GATAD1: variants seen among roughly 807,000 people sequenced by gnomAD.
The protein encoded by GATAD1 is GATA zinc finger domain containing 1, also known as GATA zinc finger domain-containing protein 1.
Under a neutral mutation model 26.5 loss-of-function variants are expected in GATAD1, and 12 were observed. The observed-to-expected ratio is 0.45, with a 90% confidence interval of 0.29 to 0.73. The LOEUF (loss-of-function observed/expected upper bound fraction) is 0.73. Among genes scored for constraint, GATAD1 ranks in the 30% least tolerant of loss-of-function variants. The pLI, the probability that GATAD1 is intolerant of heterozygous loss-of-function variation, is 0.10. For synonymous variants in GATAD1, 129 were observed against 133.1 expected (o/e 0.97, Z 0.21); for missense variants, 266 against 342.1 (o/e 0.78, Z 1.75).
chr7:92,462,656 C>T (rs1176864536), downstream of GATAD1, among the ~76,000 whole-genome samples: 1 of 152,178 alleles, frequency 6.6e-6, no homozygotes, highest in Non-Finnish European at 1.5e-5. Flanking sequence ...AAAGCCCTGG[C>T]CCCCAAGGCA....
the GATAD1 span, among the ~76,000 whole-genome samples, chr7:92,495,212 A>G: frequency 6.6e-6 from 1 of 152,132 alleles, no homozygotes; most frequent in African/African-American, 2.4e-5. Flanking sequence ...TTATTAATTT[A>G]TTAACAAATT....
At chr7:92,481,973 G>A in the GATAD1 span, among the ~76,000 whole-genome samples, 4 of 152,216 alleles carry the variant, frequency 2.6e-5, no homozygotes, top group Non-Finnish European at 4.4e-5. Flanking sequence ...GGGGATACCC[G>A]ATATCCTTTG....
chr7:92,463,248 T>C (rs1434193966), downstream of GATAD1, among the ~76,000 whole-genome samples: 1 of 152,200 alleles, frequency 6.6e-6, no homozygotes, highest in Admixed American at 6.5e-5. Context: ...AGGGGTATTG[T>C]GGGTACAAAT....
At chr7:92,482,375 G>A in the GATAD1 span, among the ~76,000 whole-genome samples, 1 of 152,184 alleles carries the variant, frequency 6.6e-6, no homozygotes, top group Admixed American at 6.5e-5. Context: ...TGGTTGATAA[G>A]GTGCAGATTC....
At chr7:92,481,017 G>A in the GATAD1 span, among the ~76,000 whole-genome samples, 1 of 152,142 alleles carries the variant, frequency 6.6e-6, no homozygotes. Flanking sequence ...GTGAAGGCCC[G>A]AGTTAAGGCA....
At chr7:92,472,183 TAAGAGTTGCAC>T in the GATAD1 span, 1 of 152,216 alleles carries the variant, frequency 6.6e-6, no homozygotes, top group Non-Finnish European at 1.5e-5. Flanking sequence ...GTGGCTGGGT[TAAGAGTTGCAC>T]AAGTGCACAG....
At chr7:92,470,290 C>A in the GATAD1 span, 4 of 778,388 alleles carry the variant, frequency 5.1e-6, no homozygotes, top group Admixed American at 3.4e-5. Flanking sequence ...GTAAGGGGAG[C>A]TACTGGTCAT....
chr7:92,487,397 TACAA>T, the GATAD1 span: 1 of 882,998 alleles, frequency 1.1e-6, no homozygotes, highest in Admixed American at 2.1e-5. Context: ...TTTTTCCTGT[TACAA>T]CATATGGAAA....
the GATAD1 span, chr7:92,474,648 T>G: frequency 1.3e-5 from 2 of 152,316 alleles, no homozygotes; most frequent in African/African-American, 4.8e-5. Context: ...CGCCAAACTC[T>G]CAGGCTGCAG....
the GATAD1 span, among the ~76,000 whole-genome samples, chr7:92,474,393 G>T: frequency 6.6e-6 from 1 of 152,182 alleles, no homozygotes; most frequent in African/African-American, 2.4e-5. Flanking sequence ...TCTCCAGAAA[G>T]GCAGTAGGAT....
At chr7:92,485,385 G>A in the GATAD1 span, among the ~76,000 whole-genome samples, 2 of 151,950 alleles carry the variant, frequency 1.3e-5, no homozygotes, top group African/African-American at 4.8e-5. Context: ...GATCCTACTT[G>A]ATTCTTACAA....
At position 92,447,677 on chromosome 7, in the gene GATAD1, C is replaced by G. The variant is rs960113700; in HGVS notation, c.-53C>G. The G allele has an allele frequency of 5.1e-6, 7 of 1,373,612 alleles. No individual in the cohort carries two copies. Among genetic ancestry groups the G allele is most frequent in the East Asian group, 6.3e-5 (2 of 31,842 alleles). The allele number at this position is 1,373,612 out of a possible 1,614,324, so 85.1% of individuals were successfully genotyped here. On this transcript the variant is annotated 5_prime_UTR_variant, in exon 1 of 5. Transcript: ENST00000287957. The stretch of plus-strand genomic sequence containing the variant: ...GCCGACCAGGGGGCGGCCGGGCTAC[C>G]GTCCGCCATTCCCGTGTCTCTGCGC...
At chr7:92,463,933 A>G (rs1790014247), downstream of GATAD1, among the ~76,000 whole-genome samples, 1 of 152,148 alleles carries the variant, frequency 6.6e-6, no homozygotes, top group South Asian at 2.1e-4. Context: ...GCGCCACTGC[A>G]CTCCAGCCTG....
chr7:92,495,761 G>A, the GATAD1 span, among the ~76,000 whole-genome samples: 1 of 151,986 alleles, frequency 6.6e-6, no homozygotes, highest in Non-Finnish European at 1.5e-5. Flanking sequence ...TCTTGGCTTT[G>A]TGAGCTTCTC....
the GATAD1 span, chr7:92,489,627 G>T: frequency 8.0e-7 from 1 of 1,246,294 alleles, no homozygotes; most frequent in Middle Eastern, 1.9e-4. Context: ...AATATAGCTC[G>T]TTTATAAGTC....
chr7:92,470,181 A>G, the GATAD1 span: 2 of 778,572 alleles, frequency 2.6e-6, no homozygotes, highest in African/African-American at 1.7e-5. Flanking sequence ...TGCGGGGCAT[A>G]TGGGTGTGGG....
At chr7:92,470,024 C>G in the GATAD1 span, 1 of 778,726 alleles carries the variant, frequency 1.3e-6, no homozygotes, top group African/African-American at 1.7e-5. Context: ...TGATCTTGAA[C>G]TCCACCCCCA....
At chr7:92,452,055 A>G (rs1418260725) in intron 3 of GATAD1, among the ~76,000 whole-genome samples, 1 of 152,258 alleles carries the variant, frequency 6.6e-6, no homozygotes, top group Non-Finnish European at 1.5e-5. Flanking sequence ...AAATGAAATC[A>G]TATGTGTTAA....
In GATAD1 at chr7:92,447,674, T is replaced by C; in HGVS notation, c.-56T>C. The stretch of plus-strand genomic sequence containing the variant: ...CGGGCCGACCAGGGGGCGGCCGGGC[T>C]ACCGTCCGCCATTCCCGTGTCTCTG... On this transcript the variant is annotated 5_prime_UTR_variant, in exon 1 of 5. Coordinates refer to ENST00000287957, the MANE Select transcript of GATAD1 (RefSeq NM_021167.5). 1 of 1,365,604 alleles carries C rather than the reference T, an allele frequency of 7.3e-7. No homozygotes were observed. Among genetic ancestry groups the C allele is most frequent in the Non-Finnish European group, 9.4e-7 (1 of 1,058,246 alleles). The allele number at this position is 1,365,604 out of a possible 1,614,324, so 84.6% of individuals were successfully genotyped here.
Sources: allele counts gnomAD v4.1 joint callset (sites outside exome capture counted in the v4.1 genomes callset), GRCh38; gene constraint gnomAD v4.1.1; transcripts MANE v1.5; gene names NCBI Gene and HGNC (gene_info 2026-07-23, HGNC 2026-07-21).